Variants in SP3 observed in about 807,000 individuals in gnomAD.
SP3 encodes Sp3 transcription factor, also known as transcription factor Sp3.
A neutral mutation model predicts 70.3 loss-of-function variants in SP3; 10 were observed. The observed-to-expected ratio is 0.14, with a 90% CI of 0.09 to 0.24. The LOEUF (loss-of-function observed/expected upper bound fraction) is 0.24, where lower values mean the gene tolerates loss of function less well. Among genes scored for constraint, SP3 ranks in the 10% least tolerant of loss-of-function variants. The pLI is 1.00. For missense variants in SP3, 825 were observed against 914.6 expected, an observed-to-expected ratio of 0.90 and a Z score of 1.26; for synonymous variants, 402 against 333.5, an observed-to-expected ratio of 1.21 and a Z score of -2.24.
At chr2:173,920,651 C>T (rs1166003697) in intron 4 of SP3, among the ~76,000 whole-genome samples, 2 of 151,996 alleles carry the variant, frequency 1.3e-5, no homozygotes, top group African/African-American at 2.4e-5. Flanking sequence ...TCTGTGGTGG[C>T]GTGACCTCGG....
At position 173,908,265 on chromosome 2, in the gene SP3, T is replaced by C. The variant is rs1164083373; in HGVS notation, c.*1676A>G. On this transcript the variant is annotated 3_prime_UTR_variant, in exon 7 of 7. Transcript: ENST00000310015. ...CAAAAAAATTGCAAAATGGTACTGATAAAACTGATATGAATCAATGTGGGC... is the reference window on the plus strand; with the variant it reads ...CAAAAAAATTGCAAAATGGTACTGACAAAACTGATATGAATCAATGTGGGC... 6.6e-6 allele frequency: 1 copy of C among 152,124 alleles called. No homozygotes were observed. Among genetic ancestry groups the C allele is most frequent in the African/African-American group, 2.4e-5 (1 of 41,454 alleles). 9.4% of individuals were successfully genotyped at this position (152,124 alleles called of 1,614,324 possible).
chr2:173,945,704 T>C (rs1027629899), intron 4 of SP3, among the ~76,000 whole-genome samples: 2 of 152,156 alleles, frequency 1.3e-5, no homozygotes, highest in South Asian at 2.1e-4. Flanking sequence ...ATTATGAAAA[T>C]AGCTTTGACT....
intron 4 of SP3, among the ~76,000 whole-genome samples, chr2:173,938,087 T>C (rs1172879198): frequency 6.6e-6 from 1 of 152,198 alleles, no homozygotes; most frequent in Non-Finnish European, 1.5e-5. Context: ...TGTTGGCTTC[T>C]GAAACATAAT....
At chr2:173,926,944 T>C (rs1469757617) in intron 4 of SP3, among the ~76,000 whole-genome samples, 2 of 152,164 alleles carry the variant, frequency 1.3e-5, no homozygotes, top group African/African-American at 4.8e-5. Context: ...AATTGGCTCA[T>C]GGTTCTGCAG....
chr2:173,901,418 G>A lies in SP3; in HGVS notation c.*8523C>T, dbSNP rs1190292893. ...ATATATCTTATATATAAAATAATAT[G>A]TACCTGGGATTAATTAAGAATGTTT... On this transcript the variant is annotated 3_prime_UTR_variant, in exon 7 of 7. Coordinates refer to ENST00000310015, the MANE Select transcript of SP3 (RefSeq NM_003111.5). 6.6e-6 allele frequency among the ~76,000 whole-genome samples: 1 copy of A among 151,926 alleles called. No individual in the cohort carries two copies. The highest frequency in any genetic ancestry group is 2.4e-5 in the African/African-American group (1 of 41,386).
intron 4 of SP3, among the ~76,000 whole-genome samples, chr2:173,941,297 T>A (rs1384790790): frequency 7.9e-5 from 12 of 152,306 alleles, no homozygotes; most frequent in Admixed American, 1.3e-4. Context: ...TCTCATCTTA[T>A]GTACCCTCCA....
rs752029219 is a variant in SP3, at chr2:173,955,508, G to C, written c.1004C>G (p.Ser335Cys). 6.2e-6 allele frequency: 10 copies of C among 1,614,130 alleles called. No individual in the cohort carries two copies. The highest frequency in any genetic ancestry group is 8.5e-6 in the Non-Finnish European group (10 of 1,180,036). Residue 335 changes from serine to cysteine, a missense_variant, in exon 4 of 7, where the codon TCT (serine) becomes TGT (cysteine). Physicochemically the swap from Ser to Cys is moderately radical, Grantham distance 112. Around this residue, in one of 4 missense-constraint regions of SP3, gnomAD observed 678 missense variants for 651.6 expected, o/e 1.04. Coordinates refer to ENST00000310015, the MANE Select transcript of SP3 (RefSeq NM_003111.5). ...TDTDLFVPTS[S>C]SSQLPVTIDS... is the part of the protein sequence containing the mutation. ...TATCGTAACAGGCAACTGTGATGAAGAGGATGTTGGCACAAATAAATCTGT... is the reference window on the plus strand; with the variant it reads ...TATCGTAACAGGCAACTGTGATGAACAGGATGTTGGCACAAATAAATCTGT...
chr2:173,945,747 T>A (rs1690517798), intron 4 of SP3, among the ~76,000 whole-genome samples: 1 of 152,094 alleles, frequency 6.6e-6, no homozygotes, highest in South Asian at 2.1e-4. Context: ...CGGGGACACC[T>A]CCCCCAGGGG....
intron 3 of SP3, among the ~76,000 whole-genome samples, chr2:173,959,958 C>G (rs1352208499): frequency 1.3e-5 from 2 of 152,080 alleles, no homozygotes; most frequent in Non-Finnish European, 2.9e-5. Context: ...TCCTTTGAGT[C>G]TAGGAGTTCA....
rs1414808683 is a variant in SP3, at chr2:173,906,432, A to G, written c.*3509T>C. The G allele has an allele frequency of 6.6e-6, 1 of 152,242 alleles. No individual in the cohort carries two copies. The highest frequency in any genetic ancestry group is 1.5e-5 in the Non-Finnish European group (1 of 68,044). 9.4% of individuals were successfully genotyped at this position (152,242 alleles called of 1,614,324 possible). On this transcript the variant is annotated 3_prime_UTR_variant, in exon 7 of 7. Transcript: ENST00000310015. ...TGTTTTGTGCTTATTGTCAGACAAC[A>G]AAAGACTTAGTACTCATTCATGGCA...
At chr2:173,942,711 A>G (rs998707610) in intron 4 of SP3, among the ~76,000 whole-genome samples, 2 of 152,166 alleles carry the variant, frequency 1.3e-5, no homozygotes, top group Admixed American at 6.6e-5. Context: ...GATTTAACAA[A>G]GCCATAACAG....
intron 4 of SP3, among the ~76,000 whole-genome samples, chr2:173,921,268 G>A (rs1689745990): frequency 6.6e-6 from 1 of 152,128 alleles, no homozygotes; most frequent in African/African-American, 2.4e-5. Flanking sequence ...TAAAATGAGT[G>A]TGTCCCACAA....
chr2:173,950,855 T>C (rs1690691955), intron 4 of SP3, among the ~76,000 whole-genome samples: 1 of 152,194 alleles, frequency 6.6e-6, no homozygotes, highest in Non-Finnish European at 1.5e-5. Flanking sequence ...ATCCTCAAAA[T>C]GAATTTATTA....
At position 173,965,285 on chromosome 2, in the gene SP3, G is replaced by A; in HGVS notation, c.-114C>T. The A allele has an allele frequency of 7.9e-7, 1 of 1,261,864 alleles. No individual in the cohort carries two copies. Among genetic ancestry groups the A allele is most frequent in the Non-Finnish European group, 1.1e-6 (1 of 898,624 alleles). 78.2% of individuals were successfully genotyped at this position (1,261,864 alleles called of 1,614,324 possible). A position where few individuals can be genotyped will look rare whatever the true frequency, so the allele number is the denominator to read the frequency against. On this transcript the variant is annotated 5_prime_UTR_variant, in exon 1 of 7. Transcript: ENST00000310015. ...AGCGGCGGCGGACACGGCCGGAGCG[G>A]TCCGGGGATTTTTTTTTCCTATTTT... is the stretch of plus-strand genomic sequence containing the variant.
Position 173,907,682 on chromosome 2 carries a change from T to C in SP3, c.*2259A>G, listed in dbSNP as rs918267580. ...ATTCAAATGGTTTAATCTGACTTAA[T>C]GGGCAGTTTGCTCAAGTGAACCACC... is the stretch of plus-strand genomic sequence containing the variant. On this transcript the variant is annotated 3_prime_UTR_variant, in exon 7 of 7. Coordinates refer to ENST00000310015, the MANE Select transcript of SP3 (RefSeq NM_003111.5). The C allele has an allele frequency of 6.6e-6, 1 of 152,144 alleles. No homozygotes were observed. Among genetic ancestry groups the C allele is most frequent in the Non-Finnish European group, 1.5e-5 (1 of 67,988 alleles). The allele number at this position is 152,144 out of a possible 1,614,324, so 9.4% of individuals were successfully genotyped here.
intron 4 of SP3, among the ~76,000 whole-genome samples, chr2:173,934,938 T>C (rs929659168): frequency 6.6e-6 from 1 of 152,192 alleles, no homozygotes; most frequent in African/African-American, 2.4e-5. Flanking sequence ...GGGAATTAAA[T>C]ACTTTAAGTG....
rs1018302342 is a variant in SP3 at position 173,908,201 on chromosome 2, G to A, written c.*1740C>T. 3 of 151,984 alleles carry A rather than the reference G, an allele frequency of 2.0e-5. No individual in the cohort carries two copies. Among genetic ancestry groups the A allele is most frequent in the Non-Finnish European group, 4.4e-5 (3 of 67,926 alleles). The allele number at this position is 151,984 out of a possible 1,614,324, so 9.4% of individuals were successfully genotyped here. ...AGTCTTAATGTAAATTCAGGTTTTC[G>A]ATAAATCAAAATATTCTGCATTGCT... On this transcript the variant is annotated 3_prime_UTR_variant, in exon 7 of 7. Coordinates refer to ENST00000310015, the MANE Select transcript of SP3 (RefSeq NM_003111.5).
At chr2:173,945,696 T>C (rs186977482) in intron 4 of SP3, among the ~76,000 whole-genome samples, 1 of 152,300 alleles carries the variant, frequency 6.6e-6, no homozygotes, top group Admixed American at 6.5e-5. Flanking sequence ...ATCTTAATAT[T>C]ATGAAAATAG....
intron 4 of SP3, among the ~76,000 whole-genome samples, chr2:173,928,055 T>A (rs1224358772): frequency 2.0e-5 from 3 of 152,202 alleles, no homozygotes; most frequent in Non-Finnish European, 2.9e-5. Context: ...CAACTCTCCA[T>A]CCTCCACCTC....
Sources: gnomAD v4.1 joint callset for allele counts (sites outside exome capture counted in the v4.1 genomes callset) on GRCh38, gnomAD v4.1.1 for gene constraint, gnomAD v4.1.1 regional missense constraint, MANE v1.5 for transcripts, NCBI Gene and HGNC (gene_info 2026-07-23, HGNC 2026-07-21) for gene names.